Variants in CEP20 observed in about 807,000 individuals in gnomAD.
CEP20 encodes the protein FGFR1OP N-terminal like.
In CEP20, 18 loss-of-function variants were observed where a neutral mutation model predicts 20.0. The observed-to-expected ratio is 0.90, with a 90% CI of 0.62 to 1.34. The LOEUF is 1.34. Among genes scored for constraint, CEP20 ranks in the 40% most tolerant of loss-of-function variants. The pLI, the probability that CEP20 is intolerant of heterozygous loss-of-function variation, is 0.00. For synonymous variants in CEP20, 77 were observed against 73.7 expected (o/e 1.04, Z -0.23); for missense variants, 215 against 201.6 (o/e 1.07, Z -0.40).
chr16:15,875,301 G>A (rs1346166401), intron 3 of CEP20, among the ~76,000 whole-genome samples: 3 of 152,122 alleles, frequency 2.0e-5, no homozygotes, highest in Non-Finnish European at 4.4e-5. Context: ...ACTGGTTCAA[G>A]ATGATTTTTA....
intron 1 of CEP20, among the ~76,000 whole-genome samples, chr16:15,887,967 G>A (rs2045285093): frequency 6.6e-6 from 1 of 151,642 alleles, no homozygotes; most frequent in South Asian, 2.1e-4. Context: ...ATTCCCACCT[G>A]CTCTGGAAGC....
intron 2 of CEP20, 98 bp downstream of exon 2, chr16:15,883,910 A>G (rs2045173425): frequency 9.9e-7 from 1 of 1,012,732 alleles, no homozygotes; most frequent in African/African-American, 1.6e-5. Flanking sequence ...CCCAGATGGC[A>G]CTATCTGGTA....
At chr16:15,888,209 C>T (rs1408813627) in intron 1 of CEP20, among the ~76,000 whole-genome samples, 1 of 151,962 alleles carries the variant, frequency 6.6e-6, no homozygotes, top group African/African-American at 2.4e-5. Flanking sequence ...AGTCATCAGC[C>T]CTGAGTGCCA....
In CEP20 at chr16:15,866,657, G is replaced by C. The variant is rs1256309534; in HGVS notation, c.*783C>G. 6.6e-6 allele frequency: 1 copy of C among 152,122 alleles called. No homozygotes were observed. The highest frequency in any genetic ancestry group is 2.4e-5 in the African/African-American group (1 of 41,424). The allele number at this position is 152,122 out of a possible 1,614,324, so 9.4% of individuals were successfully genotyped here. ...GAGGGCCACACGGAGATTAAACAAT[G>C]CCATCTTTGAAAAATCCCTTTCTGG... On this transcript the variant is annotated 3_prime_UTR_variant, in exon 5 of 5. Coordinates refer to ENST00000255759, the MANE Select transcript of CEP20 (RefSeq NM_144600.4).
intron 1 of CEP20, among the ~76,000 whole-genome samples, chr16:15,886,675 T>G (rs554355453): frequency 6.6e-6 from 1 of 152,110 alleles, no homozygotes. Context: ...CTCTCAGAGA[T>G]AGAACCAAGT....
chr16:15,871,172 C>T (rs55717851), intron 4 of CEP20, among the ~76,000 whole-genome samples: 11,372 of 152,106 alleles, frequency 0.075, 568 homozygotes, highest in Middle Eastern at 0.15. Flanking sequence ...AGGAGAATCA[C>T]TTGAACCTGG....
At chr16:15,886,666 T>G (rs542664457) in intron 1 of CEP20, among the ~76,000 whole-genome samples, 11 of 152,146 alleles carry the variant, frequency 7.2e-5, no homozygotes, top group African/African-American at 2.6e-4. Flanking sequence ...GAGCTCTACC[T>G]CTCAGAGATA....
chr16:15,885,021 T>G (rs1282581482), intron 1 of CEP20: 1 of 151,944 alleles, frequency 6.6e-6, no homozygotes, highest in Non-Finnish European at 1.5e-5. Context: ...GTAAAAACCT[T>G]GATGGCAGGG....
chr16:15,883,325 T>C (rs1437758982), intron 2 of CEP20, among the ~76,000 whole-genome samples: 1 of 152,102 alleles, frequency 6.6e-6, no homozygotes, highest in Non-Finnish European at 1.5e-5. Context: ...ATCGCACCAC[T>C]GCAGTCCAGC....
intron 2 of CEP20, among the ~76,000 whole-genome samples, chr16:15,882,329 C>T (rs1274294845): frequency 6.6e-6 from 1 of 152,154 alleles, no homozygotes; most frequent in Admixed American, 6.6e-5. Flanking sequence ...ATCACGAGGT[C>T]AGGAGACTGA....
In CEP20 at chr16:15,867,415, G is replaced by GACAAA; in HGVS notation, c.*20_*24dup. On this transcript the variant is annotated 3_prime_UTR_variant, in exon 5 of 5. Transcript: ENST00000255759. ...TATTTAATTAATAATACAATTTTAA[G>GACAAA]ACAAAAGATACCCCAAACAAAGCAT... The GACAAA allele has an allele frequency of 6.5e-7, 1 of 1,536,246 alleles. No individual in the cohort carries two copies. The highest frequency in any genetic ancestry group is 8.8e-7 in the Non-Finnish European group (1 of 1,131,124).
intron 4 of CEP20, among the ~76,000 whole-genome samples, chr16:15,868,463 T>C (rs1333371712): frequency 6.6e-6 from 1 of 152,104 alleles, no homozygotes; most frequent in African/African-American, 2.4e-5. Flanking sequence ...AATATCCTAA[T>C]GCAACAAAAA....
At position 15,884,106 on chromosome 16, in the gene CEP20, C is replaced by CG; in HGVS notation, c.127dup (p.Arg43ProfsTer7). 5 of 1,614,102 alleles carry CG rather than the reference C, an allele frequency of 3.1e-6. No individual in the cohort carries two copies. Among genetic ancestry groups the CG allele is most frequent in the Non-Finnish European group, 4.2e-6 (5 of 1,180,008 alleles). Reference sequence around the variant, plus strand: ...AAGGTTTTCATGAGACAATGATGGTCGGGGTTCACGGTCATCATCTAGGGC... The same window carrying CG: ...AAGGTTTTCATGAGACAATGATGGTCGGGGGTTCACGGTCATCATCTAGGGC... On this transcript the variant is annotated frameshift_variant, in exon 2 of 5. Coordinates refer to ENST00000255759, the MANE Select transcript of CEP20 (RefSeq NM_144600.4). LOFTEE classifies it high-confidence loss of function.
rs2044676914 is a variant in CEP20, at chr16:15,866,276, C to T, written c.*1164G>A. On this transcript the variant is annotated 3_prime_UTR_variant, in exon 5 of 5. Transcript: ENST00000255759. ...AATTTGCAAAGCAGCACAGAATTGA[C>T]ACCCTAAAGAGGATGCCAATTTTGC... 6.6e-6 allele frequency: 1 copy of T among 152,200 alleles called. No individual in the cohort carries two copies. Among genetic ancestry groups the T allele is most frequent in the African/African-American group, 2.4e-5 (1 of 41,450 alleles). The allele number at this position is 152,200 out of a possible 1,614,324, so 9.4% of individuals were successfully genotyped here. A position where few individuals can be genotyped will look rare whatever the true frequency, so the allele number is the denominator to read the frequency against.
chr16:15,872,241 G>A (rs1053332039), intron 4 of CEP20, among the ~76,000 whole-genome samples: 2 of 151,532 alleles, frequency 1.3e-5, no homozygotes, highest in Non-Finnish European at 2.9e-5. Context: ...ATGAACCCAG[G>A]AGGCAGAGCT....
In CEP20 at chr16:15,867,457, G is replaced by A; in HGVS notation, c.508C>T (p.Gln170Ter). The part of the protein sequence containing the change: ...STNIEDLHVS[Q>*]AVNR ...ACAAAGCATTATCTGTTGACTGCCT[G>A]AGAAACATGAAGATCTTCAATGTTA... Residue 170 changes from glutamine (Q) to a stop codon, truncating the protein, a stop_gained, in exon 5 of 5, where the codon CAG (glutamine) becomes TAG (stop). Transcript: ENST00000255759. LOFTEE classifies it high-confidence loss of function. The A allele has an allele frequency of 1.9e-6, 3 of 1,600,830 alleles. No individual in the cohort carries two copies. The highest frequency in any genetic ancestry group is 2.6e-6 in the Non-Finnish European group (3 of 1,171,974).
At chr16:15,886,692 G>C (rs2045255623) in intron 1 of CEP20, among the ~76,000 whole-genome samples, 1 of 152,208 alleles carries the variant, frequency 6.6e-6, no homozygotes, top group Non-Finnish European at 1.5e-5. Flanking sequence ...AAGTAAGAAG[G>C]AAAAACGTGA....
chr16:15,879,485 A>G (rs1056921619), intron 3 of CEP20, among the ~76,000 whole-genome samples: 18 of 152,142 alleles, frequency 1.2e-4, no homozygotes, highest in Non-Finnish European at 2.2e-4. Flanking sequence ...TTGCCTCTAC[A>G]AAAATAATTT....
At position 15,888,601 on chromosome 16, in the gene CEP20, A is replaced by G; in HGVS notation, c.-16T>C. ...CAGTCGCCATTTTTCAACGGCCGCC[A>G]GGGCCGCACCGCGGCCCTGCGCACG... On this transcript the variant is annotated 5_prime_UTR_variant, in exon 1 of 5. Transcript: ENST00000255759. 6.2e-7 allele frequency: 1 copy of G among 1,613,964 alleles called. No homozygotes were observed. The highest frequency in any genetic ancestry group is 2.2e-5 in the East Asian group (1 of 44,848).
Sources: gnomAD v4.1 joint callset for allele counts (sites outside exome capture counted in the v4.1 genomes callset) on GRCh38, gnomAD v4.1.1 for gene constraint, MANE v1.5 for transcripts, NCBI Gene and HGNC (gene_info 2026-07-23, HGNC 2026-07-21) for gene names.